The following FOXK2 variants were observed in gnomAD, a reference collection of about 807,000 sequenced individuals.
FOXK2 encodes the protein forkhead box K2, also known as forkhead box protein K2.
Under a neutral mutation model 53.3 loss-of-function variants are expected in FOXK2, and 24 were observed. That is an observed-to-expected ratio of 0.45 (90% CI 0.33 to 0.63). The LOEUF is 0.63. Among genes scored for constraint, FOXK2 ranks in the 30% least tolerant of loss-of-function variants. The pLI is 0.03. For synonymous variants in FOXK2, 505 were observed against 407.1 expected, an observed-to-expected ratio of 1.24 and a Z score of -2.89; for missense variants, 952 against 910.5, an observed-to-expected ratio of 1.05 and a Z score of -0.59.
chr17:82,536,297 A>G (rs1044549175), intron 1 of FOXK2, among the ~76,000 whole-genome samples: 2 of 152,160 alleles, frequency 1.3e-5, no homozygotes, highest in African/African-American at 4.8e-5. Context: ...TCTTTGACTG[A>G]GTCATACTTT....
chr17:82,577,100 T>C, intron 4 of FOXK2: 1 of 499,520 alleles, frequency 2.0e-6, no homozygotes, highest in East Asian at 3.8e-5. Context: ...TGGCGGAGAC[T>C]GCGGTGAGCT....
At chr17:82,571,335 T>C (rs2044915300) in intron 3 of FOXK2, among the ~76,000 whole-genome samples, 1 of 152,188 alleles carries the variant, frequency 6.6e-6, no homozygotes, top group South Asian at 2.1e-4. Flanking sequence ...GCGCAGTGGC[T>C]CACACCCGTA....
chr17:82,586,998 A>T, intron 7 of FOXK2, 65 bp from the exon 8 acceptor site: 1 of 1,509,784 alleles, frequency 6.6e-7, no homozygotes, highest in African/African-American at 1.4e-5. Context: ...ATTATGTTTT[A>T]AACTGGCAAG....
In FOXK2 at chr17:82,601,542, C is replaced by A; in HGVS notation, c.*43C>A. The stretch of plus-strand genomic sequence containing the variant: ...CTTTAACGATATCAACTCTGTGGTG[C>A]CAAAAGGAGACGCGGCCTCCCGCCA... On this transcript the variant is annotated 3_prime_UTR_variant, in exon 9 of 9. Coordinates refer to ENST00000335255, the MANE Select transcript of FOXK2 (RefSeq NM_004514.4). The A allele has an allele frequency of 1.3e-6, 2 of 1,547,024 alleles. No individual in the cohort carries two copies. The highest frequency in any genetic ancestry group is 1.7e-6 in the Non-Finnish European group (2 of 1,144,358).
chr17:82,564,309 A>T (rs1171379067), intron 2 of FOXK2, among the ~76,000 whole-genome samples: 1 of 151,870 alleles, frequency 6.6e-6, no homozygotes, highest in Non-Finnish European at 1.5e-5. Context: ...GGCTGATCTC[A>T]AACTCCTGAC....
intron 1 of FOXK2, among the ~76,000 whole-genome samples, chr17:82,546,956 A>G (rs2044631834): frequency 6.6e-6 from 1 of 151,886 alleles, no homozygotes; most frequent in South Asian, 2.1e-4. Context: ...GGGTGCCTGT[A>G]GTCCCAGCTA....
chr17:82,540,979 A>ACAG, intron 1 of FOXK2, among the ~76,000 whole-genome samples: 1 of 152,082 alleles, frequency 6.6e-6, no homozygotes, highest in African/African-American at 2.4e-5. Context: ...TCTTTCTCAG[A>ACAG]CAGGGGTCCA....
chr17:82,524,385 A>G (rs986151271), intron 1 of FOXK2, among the ~76,000 whole-genome samples: 1 of 152,238 alleles, frequency 6.6e-6, no homozygotes, highest in East Asian at 1.9e-4. Flanking sequence ...GCAAGAGTAC[A>G]TAAGTAGTTT....
intron 1 of FOXK2, among the ~76,000 whole-genome samples, chr17:82,538,706 A>T (rs896169049): frequency 6.6e-6 from 1 of 152,040 alleles, no homozygotes; most frequent in African/African-American, 2.4e-5. Context: ...CAAACTTAGG[A>T]TGCATCTTTC....
intron 4 of FOXK2, among the ~76,000 whole-genome samples, chr17:82,572,546 C>CT (rs566813654): frequency 1.5e-4 from 22 of 150,548 alleles, no homozygotes; most frequent in South Asian, 2.1e-4. Context: ...AATTTTAACC[C>CT]TTTAGATTAT....
chr17:82,559,335 A>G (rs2044768051), intron 1 of FOXK2: 1 of 454,876 alleles, frequency 2.2e-6, no homozygotes, highest in Admixed American at 2.4e-5. Flanking sequence ...GACCGTGCGG[A>G]CTCCACAGCT....
At position 82,586,041 on chromosome 17, in the gene FOXK2, G is replaced by A. The variant is rs1203855956; in HGVS notation, c.1417G>A (p.Val473Ile). Reference sequence around the variant, plus strand: ...GCCACCCGTCGTGCAGACGGTTCACGTCGTCCACCAGATCCCAGCGGTGTC... The same window carrying A: ...GCCACCCGTCGTGCAGACGGTTCACATCGTCCACCAGATCCCAGCGGTGTC... The part of the protein sequence containing the change: ...SQPPVVQTVH[V>I]VHQIPAVSVT... Residue 473 changes from valine to isoleucine, a missense_variant, in exon 7 of 9, where the codon GTC becomes ATC. Physicochemically the swap from Val to Ile is conservative, Grantham distance 29. This residue lies in a region of FOXK2 where 551 missense variants were observed against 385.1 expected (regional missense o/e 1.43). Coordinates refer to ENST00000335255, the MANE Select transcript of FOXK2 (RefSeq NM_004514.4). 15 of 1,612,652 alleles carry A rather than the reference G, an allele frequency of 9.3e-6. No homozygotes were observed. The highest frequency in any genetic ancestry group is 2.2e-5 in the East Asian group (1 of 44,890).
At chr17:82,543,145 C>T (rs945318002) in intron 1 of FOXK2, among the ~76,000 whole-genome samples, 1 of 151,258 alleles carries the variant, frequency 6.6e-6, no homozygotes, top group East Asian at 1.9e-4. Flanking sequence ...TCGTTTGATA[C>T]TGTGATTTTT....
chr17:82,525,051 C>T (rs2044403197), intron 1 of FOXK2, among the ~76,000 whole-genome samples: 1 of 151,688 alleles, frequency 6.6e-6, no homozygotes, highest in Non-Finnish European at 1.5e-5. Flanking sequence ...TCTCGGCTCA[C>T]TGCAACCTCC....
chr17:82,524,579 AGT>A (rs1444189562), intron 1 of FOXK2, among the ~76,000 whole-genome samples: 2 of 152,198 alleles, frequency 1.3e-5, no homozygotes, highest in African/African-American at 2.4e-5. Flanking sequence ...GTGGGGGCTC[AGT>A]GTGTACAAAG....
chr17:82,583,075 T>C (rs544655508), intron 5 of FOXK2, 141 bp downstream of exon 5: 2 of 630,258 alleles, frequency 3.2e-6, no homozygotes, highest in Non-Finnish European at 5.0e-6. Context: ...TGAGCAAAAG[T>C]GTTGGGTGCT....
intron 8 of FOXK2, among the ~76,000 whole-genome samples, chr17:82,594,355 G>A (rs1317555287): frequency 6.6e-6 from 1 of 152,294 alleles, no homozygotes; most frequent in East Asian, 1.9e-4. Flanking sequence ...AAAATTAGCT[G>A]GACATGGTGG....
chr17:82,570,248 T>A (rs1461334985), intron 3 of FOXK2, among the ~76,000 whole-genome samples: 1 of 151,728 alleles, frequency 6.6e-6, no homozygotes, highest in Non-Finnish European at 1.5e-5. Context: ...CAAATTTGAC[T>A]TCGGGAGGCC....
At chr17:82,538,581 G>A (rs2044543649) in intron 1 of FOXK2, among the ~76,000 whole-genome samples, 1 of 152,234 alleles carries the variant, frequency 6.6e-6, no homozygotes, top group Admixed American at 6.5e-5. Context: ...CTTGTCCTCT[G>A]CTGGTGGACA....
Sources: allele counts gnomAD v4.1 joint callset (sites outside exome capture counted in the v4.1 genomes callset), GRCh38; gene constraint gnomAD v4.1.1; regional missense constraint gnomAD v4.1.1; transcripts MANE v1.5; gene names NCBI Gene and HGNC (gene_info 2026-07-23, HGNC 2026-07-21).